Variants in PRKAG2 observed in about 807,000 individuals in gnomAD.
PRKAG2 encodes protein kinase AMP-activated non-catalytic subunit gamma 2, also known as 5'-AMP-activated protein kinase subunit gamma-2.
A neutral mutation model predicts 69.6 loss-of-function variants in PRKAG2; 26 were observed. The ratio of observed to expected loss-of-function variants is 0.37; its 90% CI spans 0.27 to 0.52. PRKAG2 has a LOEUF of 0.52. Ranked by LOEUF, PRKAG2 falls within the 20% of genes least tolerant of loss-of-function variation. The pLI is 0.90. For synonymous variants in PRKAG2, 293 were observed against 285.0 expected, an observed-to-expected ratio of 1.03 and a Z score of -0.28; for missense variants, 557 against 740.0, an observed-to-expected ratio of 0.75 and a Z score of 2.87.
chr7:151,770,047 A>C (rs1586403956), intron 3 of PRKAG2, among the ~76,000 whole-genome samples: 1 of 151,904 alleles, frequency 6.6e-6, no homozygotes, highest in African/African-American at 2.4e-5. Context: ...GCCTCATTAC[A>C]CCCCCTCCCT....
At chr7:151,720,026 T>G (rs1223354385) in intron 3 of PRKAG2, among the ~76,000 whole-genome samples, 1 of 152,154 alleles carries the variant, frequency 6.6e-6, no homozygotes, top group Non-Finnish European at 1.5e-5. Flanking sequence ...CCAGGGGATG[T>G]GCTTAGGTCA....
At chr7:151,606,940 A>AT (rs1349319116) in intron 5 of PRKAG2, among the ~76,000 whole-genome samples, 1 of 152,232 alleles carries the variant, frequency 6.6e-6, no homozygotes, top group Non-Finnish European at 1.5e-5. Context: ...CTTGCTTTTG[A>AT]TATTTTCAGT....
At chr7:151,627,857 T>C (rs1433941579) in intron 5 of PRKAG2, among the ~76,000 whole-genome samples, 1 of 151,970 alleles carries the variant, frequency 6.6e-6, no homozygotes, top group Non-Finnish European at 1.5e-5. Context: ...AAAGACGGGG[T>C]CTCACCATGT....
At chr7:151,820,190 A>T (rs1390576375) in intron 1 of PRKAG2, among the ~76,000 whole-genome samples, 1 of 152,260 alleles carries the variant, frequency 6.6e-6, no homozygotes, top group Non-Finnish European at 1.5e-5. Flanking sequence ...TCACGCCGGC[A>T]GCTGGAACCT....
intron 1 of PRKAG2, among the ~76,000 whole-genome samples, chr7:151,827,709 C>T (rs1586677421): frequency 1.6e-5 from 2 of 122,464 alleles, no homozygotes; most frequent in Admixed American, 2.0e-4. Flanking sequence ...TTTCCAAACA[C>T]ATATTCCAGT....
At chr7:151,832,436 T>C (rs1424044758) in intron 1 of PRKAG2, among the ~76,000 whole-genome samples, 1 of 152,020 alleles carries the variant, frequency 6.6e-6, no homozygotes. Context: ...AGACCCTCCA[T>C]AGACACCTGC....
intron 1 of PRKAG2, among the ~76,000 whole-genome samples, chr7:151,845,172 A>G (rs1361292142): frequency 1.3e-5 from 2 of 151,862 alleles, no homozygotes. Context: ...GGCAGCGACA[A>G]AAATGGCCCT....
At chr7:151,658,841 T>C (rs888244371) in intron 4 of PRKAG2, among the ~76,000 whole-genome samples, 2 of 152,172 alleles carry the variant, frequency 1.3e-5, no homozygotes, top group Non-Finnish European at 2.9e-5. Flanking sequence ...CTGGTGCCCA[T>C]TTGTATTAAA....
intron 3 of PRKAG2, among the ~76,000 whole-genome samples, chr7:151,722,800 C>G (rs977025120): frequency 6.6e-6 from 1 of 152,118 alleles, no homozygotes; most frequent in Non-Finnish European, 1.5e-5. Context: ...TACTAACACA[C>G]AGCAAAACTG....
At position 151,828,647 on chromosome 7, in the gene PRKAG2, T is replaced by C. The variant is rs1268206652; in HGVS notation, c.115-42106A>G. ...AAACTGCCAATACTTGGGCCTGGCATGGTGGCTCACACCTGTAACTCTCAG... is the reference window on the plus strand; with the variant it reads ...AAACTGCCAATACTTGGGCCTGGCACGGTGGCTCACACCTGTAACTCTCAG... On this transcript the variant is annotated intron_variant, in intron 1 of 15. Coordinates refer to ENST00000287878, the MANE Select transcript of PRKAG2 (RefSeq NM_016203.4). This position sits in a 1 kb window ranked among gnomAD's most constrained non-coding sequence, Gnocchi z 4.6. 6.6e-6 allele frequency among the ~76,000 whole-genome samples: 1 copy of C among 151,872 alleles called. No individual in the cohort carries two copies. Among genetic ancestry groups the C allele is most frequent in the Non-Finnish European group, 1.5e-5 (1 of 68,008 alleles).
chr7:151,575,322 T>G (rs1808630484), intron 7 of PRKAG2, among the ~76,000 whole-genome samples: 1 of 152,222 alleles, frequency 6.6e-6, no homozygotes, highest in Non-Finnish European at 1.5e-5. Flanking sequence ...TTCTGGGCAC[T>G]TGGATTGTTT....
chr7:151,626,400 G>C (rs1446232861), intron 5 of PRKAG2, among the ~76,000 whole-genome samples: 1 of 152,190 alleles, frequency 6.6e-6, no homozygotes, highest in African/African-American at 2.4e-5. Flanking sequence ...TATGGCGCCA[G>C]CTCCAGAGGA....
In PRKAG2 at chr7:151,778,000, C is replaced by T. The variant is rs1182250998; in HGVS notation, c.466+3152G>A. On this transcript the variant is annotated intron_variant, in intron 3 of 15. Transcript: ENST00000287878. This position sits in a 1 kb window ranked among gnomAD's most constrained non-coding sequence, Gnocchi z 4.3. ...TGTAGATAGTATCACTATTTAACAC[C>T]TAAGATTGGTCTTTTGAGATAATTT... 2.0e-5 allele frequency among the ~76,000 whole-genome samples: 3 copies of T among 152,130 alleles called. No individual in the cohort carries two copies. The East Asian group carries it at 5.8e-4, about 29-fold the overall frequency.
intron 3 of PRKAG2, among the ~76,000 whole-genome samples, chr7:151,726,989 G>A (rs1798085209): frequency 6.6e-6 from 1 of 152,080 alleles, no homozygotes; most frequent in Non-Finnish European, 1.5e-5. Flanking sequence ...GCCAAGGCGG[G>A]CGGATCACCT....
chr7:151,761,862 A>G (rs1368279082), intron 3 of PRKAG2, among the ~76,000 whole-genome samples: 1 of 152,156 alleles, frequency 6.6e-6, no homozygotes, highest in Non-Finnish European at 1.5e-5. Flanking sequence ...GGCCCTAGAA[A>G]CCATGTCCCC....
At chr7:151,695,898 G>C (rs1836548247) in intron 3 of PRKAG2, among the ~76,000 whole-genome samples, 1 of 152,198 alleles carries the variant, frequency 6.6e-6, no homozygotes, top group African/African-American at 2.4e-5. Flanking sequence ...CGTAGGCACT[G>C]TGTCCTCCAG....
At chr7:151,657,754 T>C (rs2151420508) in intron 4 of PRKAG2, among the ~76,000 whole-genome samples, 1 of 152,340 alleles carries the variant, frequency 6.6e-6, no homozygotes, top group Admixed American at 6.5e-5. Flanking sequence ...CTAACTGCTT[T>C]GGGCTGTGAG....
intron 4 of PRKAG2, among the ~76,000 whole-genome samples, chr7:151,642,244 G>A (rs1043913848): frequency 1.4e-4 from 21 of 152,150 alleles, no homozygotes; most frequent in Non-Finnish European, 1.8e-4. Context: ...TCAGGAGGCT[G>A]AGGCAGGAGA....
At chr7:151,860,552 G>A (rs2079892858) in intron 1 of PRKAG2, among the ~76,000 whole-genome samples, 1 of 152,130 alleles carries the variant, frequency 6.6e-6, no homozygotes, top group Non-Finnish European at 1.5e-5. Flanking sequence ...GAGAGAGAGA[G>A]CACGGCCCCC....
Sources: gnomAD v4.1 joint callset for allele counts (sites outside exome capture counted in the v4.1 genomes callset) on GRCh38, gnomAD v4.1.1 for gene constraint, Gnocchi (gnomAD v3.1) non-coding constraint, MANE v1.5 for transcripts, NCBI Gene and HGNC (gene_info 2026-07-23, HGNC 2026-07-21) for gene names.